Variants in DOCK10 observed in about 807,000 individuals in gnomAD.
DOCK10 encodes dedicator of cytokinesis 10.
In DOCK10, 145 loss-of-function variants were observed where a neutral mutation model predicts 280.1. The observed-to-expected ratio is 0.52, with a 90% confidence interval of 0.45 to 0.59. DOCK10 has a LOEUF of 0.59. Among genes scored for constraint, DOCK10 ranks in the 20% least tolerant of loss-of-function variants. The pLI, the probability that DOCK10 is intolerant of heterozygous loss-of-function variation, is 0.00. For synonymous variants in DOCK10, 915 were observed against 942.2 expected, an observed-to-expected ratio of 0.97 and a Z score of 0.53; for missense variants, 2,368 against 2,651.7, an observed-to-expected ratio of 0.89 and a Z score of 2.35.
At chr2:224,936,315 A>T (rs946487339) in intron 1 of DOCK10, among the ~76,000 whole-genome samples, 1 of 152,160 alleles carries the variant, frequency 6.6e-6, no homozygotes, top group Non-Finnish European at 1.5e-5. Context: ...GGAGTTCATG[A>T]TCAAGATGGC....
At chr2:224,768,857 G>T (rs1690228471) in intron 55 of DOCK10, 1 of 456,120 alleles carries the variant, frequency 2.2e-6, no homozygotes, top group Non-Finnish European at 4.4e-6. Flanking sequence ...TAGACATAAA[G>T]AAAGAAAAAC....
intron 33 of DOCK10, 115 bp downstream of exon 33, chr2:224,807,553 G>T (rs1293726943): frequency 1.5e-6 from 1 of 682,852 alleles, no homozygotes. Context: ...AGAAAGTGTT[G>T]TTCAATGCCT....
At chr2:224,849,827 A>G (rs1023456948) in intron 18 of DOCK10, among the ~76,000 whole-genome samples, 1 of 152,192 alleles carries the variant, frequency 6.6e-6, no homozygotes, top group African/African-American at 2.4e-5. Context: ...CATTCATCAT[A>G]TAGTTAATAC....
chr2:224,971,593 G>GA (rs1459200125), intron 1 of DOCK10, among the ~76,000 whole-genome samples: 3 of 152,260 alleles, frequency 2.0e-5, no homozygotes, highest in Admixed American at 6.5e-5. Context: ...TGAAGTCCTT[G>GA]AAAGGTGGTT....
intron 50 of DOCK10, among the ~76,000 whole-genome samples, chr2:224,778,783 A>G (rs1691069967): frequency 6.6e-6 from 1 of 152,346 alleles, no homozygotes; most frequent in East Asian, 1.9e-4. Context: ...CTTAGATGAA[A>G]AACCACAACA....
chr2:224,992,364 T>G (rs1472062526), intron 1 of DOCK10, among the ~76,000 whole-genome samples: 1 of 152,224 alleles, frequency 6.6e-6, no homozygotes, highest in South Asian at 2.1e-4. Context: ...ATTTACAATG[T>G]TCTTTCCAAA....
Position 224,786,527 on chromosome 2 carries a change from A to G in DOCK10, c.5655+495T>C, listed in dbSNP as rs1356576106. Among the ~76,000 whole-genome samples, 1 of 152,224 alleles carries G rather than the reference A, an allele frequency of 6.6e-6. No homozygotes were observed. The highest frequency in any genetic ancestry group is 1.5e-5 in the Non-Finnish European group (1 of 68,044). On this transcript the variant is annotated intron_variant, in intron 50 of 55. Coordinates refer to ENST00000258390, the MANE Select transcript of DOCK10 (RefSeq NM_014689.3). This position sits in a 1 kb window ranked among gnomAD's most constrained non-coding sequence, Gnocchi z 4.7. ...CATTGACTTGCAATATAGGAAACAA[A>G]ATAACCATCTGGTATTTTGTCTAGA...
In DOCK10 at chr2:224,886,077, T is replaced by C. The variant is rs1483473504; in HGVS notation, c.598A>G (p.Thr200Ala). 8.1e-6 allele frequency: 13 copies of C among 1,613,806 alleles called. No homozygotes were observed. The highest frequency in any genetic ancestry group is 1.0e-5 in the Non-Finnish European group (12 of 1,179,842). ...KGNFNSTVNN[T>A]VTVRSFKKRY... ...TATCTCCTTACCCGAACAGTAACGG[T>C]GTTGTTCACGGTGCTGTTAAAATTC... The change falls in exon 6 of 56, where the codon ACC (threonine) becomes GCC (alanine). Residue 200 changes from threonine to alanine, a missense_variant. Around this residue, in one of 2 missense-constraint regions of DOCK10, gnomAD observed 1,209 missense variants for 1,250.9 expected, o/e 0.97. Coordinates refer to ENST00000258390, the MANE Select transcript of DOCK10 (RefSeq NM_014689.3).
intron 2 of DOCK10, among the ~76,000 whole-genome samples, chr2:224,917,560 G>A (rs1218546002): frequency 6.6e-6 from 1 of 151,930 alleles, no homozygotes; most frequent in African/African-American, 2.4e-5. Context: ...TGTAGTTAGG[G>A]GTGGGAAGGA....
chr2:224,805,171 T>C lies in DOCK10; in HGVS notation c.4051+35A>G, dbSNP rs370695107. ...TATGAGAATCTGAAGGTTTTCTTTTTCCTTTTTTCAAAAAAATTAAAGAAT... is the reference window on the plus strand; with the variant it reads ...TATGAGAATCTGAAGGTTTTCTTTTCCCTTTTTTCAAAAAAATTAAAGAAT... On this transcript the variant is annotated intron_variant, in intron 36 of 55. Coordinates refer to ENST00000258390, the MANE Select transcript of DOCK10 (RefSeq NM_014689.3). This position sits in a 1 kb window ranked among gnomAD's most constrained non-coding sequence, Gnocchi z 4.3. 3.0e-4 allele frequency: 481 copies of C among 1,599,990 alleles called. No homozygotes were observed. The highest frequency in any genetic ancestry group is 3.9e-4 in the Non-Finnish European group (461 of 1,175,712).
intron 31 of DOCK10, among the ~76,000 whole-genome samples, chr2:224,811,447 C>T (rs1300571351): frequency 6.6e-6 from 1 of 152,122 alleles, no homozygotes; most frequent in African/African-American, 2.4e-5. Context: ...CCTGTTGACT[C>T]TGATGGTAGT....
At chr2:224,982,056 T>C (rs527431546) in intron 1 of DOCK10, among the ~76,000 whole-genome samples, 1 of 152,306 alleles carries the variant, frequency 6.6e-6, no homozygotes, top group South Asian at 2.1e-4. Context: ...TAGAAATAGT[T>C]CCGAAAGATT....
intron 11 of DOCK10, among the ~76,000 whole-genome samples, chr2:224,871,666 T>C (rs962517259): frequency 1.3e-5 from 2 of 152,170 alleles, no homozygotes; most frequent in Non-Finnish European, 2.9e-5. Context: ...AAAGCTTACC[T>C]GTCTTGGTGC....
At chr2:224,793,117 G>A in intron 46 of DOCK10, 45 bp from the exon 47 acceptor site, 5 of 1,364,086 alleles carry the variant, frequency 3.7e-6, no homozygotes, top group Non-Finnish European at 5.2e-6. Flanking sequence ...ACATGTTTAT[G>A]TTAATACAAG....
chr2:224,989,141 G>A (rs1394588117), intron 1 of DOCK10, among the ~76,000 whole-genome samples: 2 of 152,302 alleles, frequency 1.3e-5, no homozygotes, highest in East Asian at 1.9e-4. Context: ...CAAACATGTC[G>A]CTGCTGCAGA....
chr2:224,841,109 G>GGGGA (rs1695933565), intron 23 of DOCK10, among the ~76,000 whole-genome samples: 1 of 152,152 alleles, frequency 6.6e-6, no homozygotes, highest in South Asian at 2.1e-4. Context: ...GGGCTAGGGA[G>GGGGA]GGGAGTGCTG....
At chr2:224,873,594 C>CAAAAA (rs35401247) in intron 11 of DOCK10, among the ~76,000 whole-genome samples, 23 of 33,602 alleles carry the variant, frequency 6.8e-4, no homozygotes, top group South Asian at 1.7e-3. Flanking sequence ...AAGACCATCT[C>CAAAAA]AAAAAAAAAA....
intron 1 of DOCK10, among the ~76,000 whole-genome samples, chr2:224,995,565 G>A (rs1706248651): frequency 6.6e-6 from 1 of 152,214 alleles, no homozygotes; most frequent in African/African-American, 2.4e-5. Flanking sequence ...TTGAAAGGAT[G>A]TTGCGTAGCA....
At chr2:224,935,738 G>A (rs1476598908) in intron 1 of DOCK10, among the ~76,000 whole-genome samples, 1 of 152,106 alleles carries the variant, frequency 6.6e-6, no homozygotes, top group African/African-American at 2.4e-5. Flanking sequence ...GGTTTTTAAT[G>A]TTCACTAGTC....
Sources: allele counts gnomAD v4.1 joint callset (sites outside exome capture counted in the v4.1 genomes callset), GRCh38; gene constraint gnomAD v4.1.1; regional missense constraint gnomAD v4.1.1; non-coding constraint Gnocchi (gnomAD v3.1); transcripts MANE v1.5; gene names NCBI Gene and HGNC (gene_info 2026-07-23, HGNC 2026-07-21).